The following ILF2 variants were observed in gnomAD, a reference collection of about 807,000 sequenced individuals.
The protein encoded by ILF2 is interleukin enhancer binding factor 2, also known as interleukin enhancer-binding factor 2.
Under a neutral mutation model 55.3 loss-of-function variants are expected in ILF2, and 9 were observed. The observed-to-expected ratio is 0.16, with a 90% CI of 0.10 to 0.28. ILF2 has a LOEUF of 0.28. Ranked by LOEUF, ILF2 falls within the 10% of genes least tolerant of loss-of-function variation. ILF2 has a pLI of 1.00. For synonymous variants in ILF2, 151 were observed against 161.8 expected (o/e 0.93, Z 0.50); for missense variants, 266 against 474.9 (o/e 0.56, Z 4.09).
At chr1:153,665,424 T>C in intron 7 of ILF2, 88 bp from the exon 8 acceptor site, 1 of 901,040 alleles carries the variant, frequency 1.1e-6, no homozygotes, top group Admixed American at 1.9e-5. Context: ...ACAGGTGGAT[T>C]TTTTAAAACA....
chr1:153,664,657 T>C (rs566211836), intron 8 of ILF2, among the ~76,000 whole-genome samples, 183 bp from the exon 9 acceptor site: 1 of 152,314 alleles, frequency 6.6e-6, no homozygotes, highest in African/African-American at 2.4e-5. Context: ...CCTCCCGGGT[T>C]CGAGCAATTC....
At chr1:153,664,739 G>T (rs1669265281) in intron 8 of ILF2, among the ~76,000 whole-genome samples, 1 of 152,108 alleles carries the variant, frequency 6.6e-6, no homozygotes, top group Non-Finnish European at 1.5e-5. Flanking sequence ...TTTTATTTTA[G>T]TAGAGACGGG....
At chr1:153,670,844 G>A (rs771769109) in intron 1 of ILF2, 74 bp downstream of exon 1, 15 of 1,581,320 alleles carry the variant, frequency 9.5e-6, no homozygotes, top group East Asian at 2.2e-5. Context: ...CTGATACTCC[G>A]ACTTCTTTCG....
At chr1:153,663,157 T>A (rs746536367) in intron 11 of ILF2, 24 bp from the exon 12 acceptor site, 1 of 1,613,120 alleles carries the variant, frequency 6.2e-7, no homozygotes. Flanking sequence ...AGGTATGAGG[T>A]ATTAAAGGAA....
chr1:153,669,233 C>CA (rs1003935422), intron 3 of ILF2, among the ~76,000 whole-genome samples: 47 of 151,074 alleles, frequency 3.1e-4, no homozygotes, highest in Admixed American at 6.6e-4. Context: ...GAGACTGTCT[C>CA]AAAAAAAATA....
chr1:153,663,984 TACTAC>T, intron 10 of ILF2, 54 bp downstream of exon 10: 1 of 872,496 alleles, frequency 1.1e-6, no homozygotes, highest in Non-Finnish European at 1.9e-6. Flanking sequence ...CTACTACTAC[TACTAC>T]TACTACTAGT....
rs1270632199 is a variant in ILF2, at chr1:153,668,461, C to G, written c.205G>C (p.Ala69Pro). Residue 69 changes from alanine to proline, a missense_variant, in exon 4 of 14, where the codon GCT becomes CCT. Physicochemically the swap from Ala to Pro is conservative, Grantham distance 27. Transcript: ENST00000361891. The part of the protein sequence containing the change: ...KRNQDLAPNS[A>P]EQASILSLVT... The stretch of plus-strand genomic sequence containing the variant: ...CAGCCAAAAGAACATACCTGTTCAG[C>G]AGAATTGGGAGCCAGGTCCTGATTC... 3.7e-6 allele frequency: 6 copies of G among 1,614,006 alleles called. No homozygotes were observed. Among genetic ancestry groups the G allele is most frequent in the Non-Finnish European group, 5.1e-6 (6 of 1,180,038 alleles).
chr1:153,663,351 CAG>C (rs1261683555), intron 10 of ILF2, 75 bp from the exon 11 acceptor site: 51 of 1,350,438 alleles, frequency 3.8e-5, no homozygotes, highest in Non-Finnish European at 5.1e-5. Flanking sequence ...TTTTTAGAGA[CAG>C]GGCCTCACTT....
rs769929737 is a variant in ILF2, at chr1:153,667,586, G to A, written c.363C>T (p.Asp121=). 7.4e-6 allele frequency: 12 copies of A among 1,613,524 alleles called. No individual in the cohort carries two copies. The highest frequency in any genetic ancestry group is 9.3e-6 in the Non-Finnish European group (11 of 1,179,412). Residue 121 remains aspartate (D), a synonymous_variant, in exon 6 of 14, where the codon GAC becomes GAT. Coordinates refer to ENST00000361891, the MANE Select transcript of ILF2 (RefSeq NM_004515.4). The stretch of plus-strand genomic sequence containing the variant: ...GCAGAATCTTGAGTATCACCACCAG[G>A]TCAGCCACATTGTGTCCTGTAGTCA... ...GTMTTGHNVA[D]LVVILKILPT...
At chr1:153,670,049 C>A in intron 2 of ILF2, 122 bp downstream of exon 2, 1 of 1,125,498 alleles carries the variant, frequency 8.9e-7, no homozygotes, top group South Asian at 1.3e-5. Flanking sequence ...AACAGGAGTG[C>A]AGGAAAAGAC....
chr1:153,668,875 G>A (rs577357975), intron 3 of ILF2, among the ~76,000 whole-genome samples: 1 of 151,942 alleles, frequency 6.6e-6, no homozygotes, highest in Non-Finnish European at 1.5e-5. Flanking sequence ...TCCAGCCTGG[G>A]CAACAGAGTG....
intron 3 of ILF2, among the ~76,000 whole-genome samples, chr1:153,668,784 G>A (rs1312116141): frequency 6.6e-6 from 1 of 151,538 alleles, no homozygotes; most frequent in African/African-American, 2.4e-5. Context: ...TGTAATCCCA[G>A]CTACTTGGGA....
At chr1:153,664,594 T>C (rs1669260564) in intron 8 of ILF2, 120 bp from the exon 9 acceptor site, 2 of 797,084 alleles carry the variant, frequency 2.5e-6, no homozygotes, top group Non-Finnish European at 2.1e-6. Flanking sequence ...CTCGCTCTGT[T>C]GTCCAGGCTG....
Position 153,664,415 on chromosome 1 carries a change from C to T in ILF2, c.637G>A (p.Glu213Lys). Residue 213 changes from glutamate (E) to lysine (K), a missense_variant, in exon 9 of 14, where the codon GAA (glutamate) becomes AAA (lysine). Transcript: ENST00000361891. ...ACTCACGTGGACTGAGAAGCATTTT[C>T]CTCGAACCAGCGGGCATGTCGGATG... Reference protein sequence around the residue: ...AAIRHARWFEENASQSTVKVL... With the variant: ...AAIRHARWFEKNASQSTVKVL... 6.2e-7 allele frequency: 1 copy of T among 1,614,036 alleles called. No homozygotes were observed.
rs200406089 is a variant in ILF2, at chr1:153,665,181, T to G, written c.577+39A>C. The G allele has an allele frequency of 2.2e-4, 250 of 1,123,260 alleles. 1 individual carries two copies. Among genetic ancestry groups the G allele is most frequent in the Non-Finnish European group, 2.1e-4 (157 of 734,482 alleles). The allele number at this position is 1,123,260 out of a possible 1,614,324, so 69.6% of individuals were successfully genotyped here. ...CAGCAACAATACCATGTTTTGAATA[T>G]CCCCTAAATTTTCCAGCAATGGAAA... On this transcript the variant is annotated intron_variant, in intron 8 of 13. Transcript: ENST00000361891.
intron 7 of ILF2, 31 bp from the exon 8 acceptor site, chr1:153,665,367 C>T (rs756320136): frequency 2.2e-6 from 3 of 1,386,682 alleles, no homozygotes; most frequent in African/African-American, 1.4e-5. Context: ...AAAACTATAA[C>T]TCACATTTCC....
intron 1 of ILF2, 47 bp downstream of exon 1, chr1:153,670,871 T>C: frequency 2.5e-6 from 4 of 1,613,104 alleles, no homozygotes; most frequent in Non-Finnish European, 3.4e-6. Flanking sequence ...GTTCACAAAG[T>C]TTTCCGTCGA....
At chr1:153,670,799 A>G in intron 1 of ILF2, 119 bp downstream of exon 1, 1 of 1,171,844 alleles carries the variant, frequency 8.5e-7, no homozygotes, top group Non-Finnish European at 1.3e-6. Context: ...AGGAGTTCTC[A>G]GGTTTTTGGC....
Position 153,662,149 on chromosome 1 carries a change from G to C in ILF2, c.*247C>G, listed in dbSNP as rs533908238. 2 of 421,356 alleles carry C rather than the reference G, an allele frequency of 4.7e-6. No homozygotes were observed. The highest frequency in any genetic ancestry group is 4.0e-5 in the East Asian group (1 of 25,202). The allele number at this position is 421,356 out of a possible 1,614,324, so 26.1% of individuals were successfully genotyped here. A position where few individuals can be genotyped will look rare whatever the true frequency, so the allele number is the denominator to read the frequency against. Reference sequence around the variant, plus strand: ...GTTGAGAGAGGGGTTTTCAGGAGTTGGAGATTATAGAATATTAGGAAGAAA... The same window carrying C: ...GTTGAGAGAGGGGTTTTCAGGAGTTCGAGATTATAGAATATTAGGAAGAAA... On this transcript the variant is annotated 3_prime_UTR_variant, in exon 14 of 14. Transcript: ENST00000361891.
Sources: allele counts gnomAD v4.1 joint callset (sites outside exome capture counted in the v4.1 genomes callset), GRCh38; gene constraint gnomAD v4.1.1; transcripts MANE v1.5; gene names NCBI Gene and HGNC (gene_info 2026-07-23, HGNC 2026-07-21).